BRSK2: variants seen among roughly 807,000 people sequenced by gnomAD.
BRSK2 encodes BR serine/threonine kinase 2, also known as serine/threonine-protein kinase BRSK2.
Under a neutral mutation model 83.3 loss-of-function variants are expected in BRSK2, and 19 were observed. The ratio of observed to expected loss-of-function variants is 0.23; its 90% CI spans 0.16 to 0.33. BRSK2 has a LOEUF of 0.33. BRSK2 is among the 10% of genes least tolerant of loss of function. BRSK2 has a pLI of 1.00. For synonymous variants in BRSK2, 519 were observed against 435.4 expected, an observed-to-expected ratio of 1.19 and a Z score of -2.39; for missense variants, 798 against 1,042.3, an observed-to-expected ratio of 0.77 and a Z score of 3.23.
intron 18 of BRSK2, among the ~76,000 whole-genome samples, chr11:1,457,330 C>T (rs989277218): frequency 1.3e-5 from 2 of 152,214 alleles, no homozygotes; most frequent in Non-Finnish European, 2.9e-5. Context: ...CCTGACAGCC[C>T]AGGGTCATGC....
chr11:1,450,580 C>T lies in BRSK2; in HGVS notation c.1288-7C>T. The stretch of plus-strand genomic sequence containing the variant: ...AACCAAACACCAAATCTGTCCCCAC[C>T]ATACAGGTGACCCCTCACCCCTCAC... On this transcript the variant is annotated splice_polypyrimidine_tract_variant and splice_region_variant and intron_variant, in intron 13 of 19. Transcript: ENST00000528841. 1 of 1,532,402 alleles carries T rather than the reference C, an allele frequency of 6.5e-7. No individual in the cohort carries two copies. Among genetic ancestry groups the T allele is most frequent in the Non-Finnish European group, 8.9e-7 (1 of 1,127,404 alleles). The allele number at this position is 1,532,402 out of a possible 1,614,324, so 94.9% of individuals were successfully genotyped here.
At chr11:1,449,870 GCA>G (rs1161937395) in intron 13 of BRSK2, 34 bp downstream of exon 13, 3 of 1,528,950 alleles carry the variant, frequency 2.0e-6, no homozygotes, top group African/African-American at 1.4e-5. Flanking sequence ...CAGCTCGGAT[GCA>G]CAGAGGCCCC....
chr11:1,401,287 G>A (rs1846461105), intron 1 of BRSK2, among the ~76,000 whole-genome samples: 2 of 152,260 alleles, frequency 1.3e-5, no homozygotes, highest in East Asian at 1.9e-4. Context: ...ACCCTCGCGG[G>A]TCTGTATTTT....
rs114432489 is a variant in BRSK2 at position 1,398,146 on chromosome 11, G to C, written c.91+7771G>C. On this transcript the variant is annotated intron_variant, in intron 1 of 19. Coordinates refer to ENST00000528841, the MANE Select transcript of BRSK2 (RefSeq NM_001256627.2). ...CCTCTGCGGGTGTCTTGGCCTGGGA[G>C]CCCCCGGGGAACCCTTTGTATGGGA... 2.5e-3 allele frequency among the ~76,000 whole-genome samples: 383 copies of C among 152,310 alleles called. 3 individuals carry two copies. The highest frequency in any genetic ancestry group is 0.014 in the Middle Eastern group (4 of 292).
At chr11:1,395,667 T>G (rs1359512793) in intron 1 of BRSK2, among the ~76,000 whole-genome samples, 1 of 152,196 alleles carries the variant, frequency 6.6e-6, no homozygotes, top group African/African-American at 2.4e-5. Context: ...CCCTGCCTTG[T>G]CACTGGCAAT....
intron 1 of BRSK2, among the ~76,000 whole-genome samples, chr11:1,397,510 G>C (rs961781586): frequency 6.6e-6 from 1 of 152,230 alleles, no homozygotes; most frequent in Non-Finnish European, 1.5e-5. Context: ...TCCCAGGCTC[G>C]TTCTGCCTTC....
intron 1 of BRSK2, among the ~76,000 whole-genome samples, chr11:1,395,163 C>T (rs1284698232): frequency 6.6e-6 from 1 of 152,186 alleles, no homozygotes; most frequent in Admixed American, 6.5e-5. Context: ...GGCCATCTGA[C>T]CCCAGCTGTT....
intron 1 of BRSK2, among the ~76,000 whole-genome samples, chr11:1,406,987 G>T (rs1488307672): frequency 6.6e-6 from 1 of 152,204 alleles, no homozygotes; most frequent in African/African-American, 2.4e-5. Context: ...GTGCGCATGT[G>T]TGTGGTCTGT....
rs199517090 is a variant in BRSK2 at position 1,445,796 on chromosome 11, G to A, written c.1115G>A (p.Arg372Gln). The A allele has an allele frequency of 1.2e-4, 200 of 1,612,428 alleles. No individual in the cohort carries two copies. The highest frequency in any genetic ancestry group is 4.7e-4 in the Admixed American group (28 of 60,016). The change falls in exon 12 of 20, where the codon CGG (arginine) becomes CAG (glutamine). Residue 372 changes from arginine to glutamine, a missense_variant. Transcript: ENST00000528841. ...CGTGTGGACTCCCCGATGCTGAACC[G>A]GCACGGCAAGCGGCGGCCAGAACGC... is the stretch of plus-strand genomic sequence containing the variant. ...RKRVDSPMLN[R>Q]HGKRRPERKS...
chr11:1,445,488 A>T, intron 10 of BRSK2, 30 bp downstream of exon 10: 1 of 1,610,150 alleles, frequency 6.2e-7, no homozygotes, highest in Non-Finnish European at 8.5e-7. Context: ...CGGGTGGGGC[A>T]CGGGGCCTGA....
At chr11:1,451,462 G>A in intron 15 of BRSK2, 43 bp downstream of exon 15, 14 of 1,603,362 alleles carry the variant, frequency 8.7e-6, no homozygotes, top group Non-Finnish European at 1.1e-5. Flanking sequence ...CTGACACCAG[G>A]CTGGCCGGGA....
intron 1 of BRSK2, among the ~76,000 whole-genome samples, chr11:1,401,832 G>A (rs915622341): frequency 6.6e-6 from 1 of 152,256 alleles, no homozygotes; most frequent in Non-Finnish European, 1.5e-5. Flanking sequence ...CCGCGAGGGC[G>A]CCTGCCTTGG....
intron 1 of BRSK2, among the ~76,000 whole-genome samples, chr11:1,435,695 A>G (rs887502509): frequency 3.3e-5 from 5 of 150,834 alleles, no homozygotes; most frequent in Non-Finnish European, 5.9e-5. Flanking sequence ...TTCTTGGGCC[A>G]GGCAGGCACC....
chr11:1,456,268 C>T (rs913822110), intron 16 of BRSK2, 80 bp from the exon 17 acceptor site: 1 of 1,396,964 alleles, frequency 7.2e-7, no homozygotes. Context: ...GTGGGGCTGG[C>T]TCGCCCCAGG....
At chr11:1,443,247 C>A (rs1590592117) in intron 6 of BRSK2, 88 bp from the exon 7 acceptor site, 1 of 1,521,166 alleles carries the variant, frequency 6.6e-7, no homozygotes, top group South Asian at 1.2e-5. Context: ...GGCTGCCTGT[C>A]CCCGGGCCGA....
At chr11:1,447,647 CT>C in intron 12 of BRSK2, 1 of 727,966 alleles carries the variant, frequency 1.4e-6, no homozygotes, top group Non-Finnish European at 2.4e-6. Flanking sequence ...GCGGGGTGTG[CT>C]GTCTGGCCCA....
chr11:1,412,460 G>C (rs185737176), intron 1 of BRSK2, among the ~76,000 whole-genome samples: 2 of 106,796 alleles, frequency 1.9e-5, no homozygotes, highest in East Asian at 4.0e-4. Context: ...GCGCCGCCCC[G>C]TCCTGTGGTG....
At position 1,445,767 on chromosome 11, in the gene BRSK2, G is replaced by A. The variant is rs751791698; in HGVS notation, c.1086G>A (p.Arg362=). The A allele has an allele frequency of 2.5e-6, 4 of 1,611,700 alleles. No homozygotes were observed. The highest frequency in any genetic ancestry group is 3.4e-6 in the Non-Finnish European group (4 of 1,179,220). The change falls in exon 12 of 20, where the codon CGG becomes CGA. Residue 362 remains arginine, a synonymous_variant. Coordinates refer to ENST00000528841, the MANE Select transcript of BRSK2 (RefSeq NM_001256627.2). ...LPPRNEIDPP[R]KRVDSPMLNR... The stretch of plus-strand genomic sequence containing the variant: ...TTCGTCTGTACTCAGACCCTCCCCG[G>A]AAGCGTGTGGACTCCCCGATGCTGA...
In BRSK2 at chr11:1,402,128, G is replaced by A. The variant is rs772460077; in HGVS notation, c.91+11753G>A. 1.3e-3 allele frequency among the ~76,000 whole-genome samples: 194 copies of A among 152,328 alleles called. 1 individual carries two copies. The highest frequency in any genetic ancestry group is 1.8e-3 in the Non-Finnish European group (123 of 68,012). On this transcript the variant is annotated intron_variant, in intron 1 of 19. Coordinates refer to ENST00000528841, the MANE Select transcript of BRSK2 (RefSeq NM_001256627.2). ...CCCGCAGAGCTGAGGGTGCCCCTGCGTGTGGGTGCCGGAGAGCAGGCATGG... is the reference window on the plus strand; with the variant it reads ...CCCGCAGAGCTGAGGGTGCCCCTGCATGTGGGTGCCGGAGAGCAGGCATGG...
Sources: gnomAD v4.1 joint callset for allele counts (sites outside exome capture counted in the v4.1 genomes callset) on GRCh38, gnomAD v4.1.1 for gene constraint, MANE v1.5 for transcripts, NCBI Gene and HGNC (gene_info 2026-07-23, HGNC 2026-07-21) for gene names.